Variants in LRRFIP1 observed in about 807,000 individuals in gnomAD.
LRRFIP1 encodes the protein LRR binding FLII interacting protein 1, also known as leucine-rich repeat flightless-interacting protein 1.
In LRRFIP1, 62 loss-of-function variants were observed where a neutral mutation model predicts 104.4. The ratio of observed to expected loss-of-function variants is 0.59; its 90% CI spans 0.48 to 0.73. LRRFIP1 has a LOEUF of 0.73. LRRFIP1 is among the 30% of genes least tolerant of loss of function. The probability of loss-of-function intolerance (pLI) is 0.00; values close to 1 mark genes in which losing one functional copy is unlikely to be tolerated. For synonymous variants in LRRFIP1, 300 were observed against 299.0 expected (o/e 1.00, Z -0.03); for missense variants, 796 against 824.5 (o/e 0.97, Z 0.42).
rs77743076 is a variant in LRRFIP1 at position 237,694,253 on chromosome 2, C to T, written c.97-14291C>T. Among the ~76,000 whole-genome samples, 468 of 152,296 alleles carry T rather than the reference C, an allele frequency of 3.1e-3. 10 individuals carry two copies. The East Asian group carries it at 0.046, about 15-fold the overall frequency. ...AATATATGGTGTATGCATCTTACTA[C>T]GTTTCTAATGTCCAAAAATGCTGAA... On this transcript the variant is annotated intron_variant, in intron 1 of 23. Coordinates refer to ENST00000308482, the MANE Select transcript of LRRFIP1 (RefSeq NM_001137550.2).
intron 1 of LRRFIP1, among the ~76,000 whole-genome samples, chr2:237,681,948 T>C (rs553216003): frequency 3.3e-5 from 5 of 152,166 alleles, no homozygotes; most frequent in African/African-American, 1.2e-4. Flanking sequence ...CAAAGTCCTA[T>C]TCTTAATTGT....
intron 19 of LRRFIP1, chr2:237,764,152 C>T (rs12477133): frequency 0.028 from 44,519 of 1,613,822 alleles, 1,082 homozygotes; most frequent in Admixed American, 0.084. Flanking sequence ...CTGAGGCAGG[C>T]GGCAGGCGCG....
At chr2:237,660,628 A>G (rs2087729203) in intron 1 of LRRFIP1, among the ~76,000 whole-genome samples, 1 of 152,170 alleles carries the variant, frequency 6.6e-6, no homozygotes, top group African/African-American at 2.4e-5. Flanking sequence ...ATTCCAAGTC[A>G]TTTGCTGCAG....
intron 1 of LRRFIP1, among the ~76,000 whole-genome samples, chr2:237,700,390 C>T: frequency 6.6e-6 from 1 of 152,128 alleles, no homozygotes; most frequent in South Asian, 2.1e-4. Context: ...GCATCATATT[C>T]CTGTCACATT....
chr2:237,724,435 T>C (rs544656309), intron 7 of LRRFIP1, among the ~76,000 whole-genome samples: 5 of 152,350 alleles, frequency 3.3e-5, no homozygotes, highest in African/African-American at 1.2e-4. Context: ...CTGCATAGCA[T>C]ATTTGGTGCC....
At chr2:237,673,381 C>T (rs1001669455) in intron 1 of LRRFIP1, among the ~76,000 whole-genome samples, 4 of 152,172 alleles carry the variant, frequency 2.6e-5, no homozygotes, top group Non-Finnish European at 4.4e-5. Flanking sequence ...ACCCCATTCT[C>T]AAGGTGAAGC....
At position 237,758,489 on chromosome 2, in the gene LRRFIP1, G is replaced by A. The variant is rs370566131; in HGVS notation, c.1225-240G>A. On this transcript the variant is annotated intron_variant, in intron 17 of 23. Coordinates refer to ENST00000308482, the MANE Select transcript of LRRFIP1 (RefSeq NM_001137550.2). ...ACCTCTGGGGCCCCGTGCTGTGTCC[G>A]TGTGCTTCAAGATGCGCATGTCTTT... is the stretch of plus-strand genomic sequence containing the variant. Among the ~76,000 whole-genome samples, 24 of 152,322 alleles carry A rather than the reference G, an allele frequency of 1.6e-4. No individual in the cohort carries two copies. The East Asian group carries it at 3.9e-3, about 24-fold the overall frequency.
In LRRFIP1 at chr2:237,669,324, G is replaced by C. The variant is rs555568491; in HGVS notation, c.97-39220G>C. Among the ~76,000 whole-genome samples, 111 of 152,314 alleles carry C rather than the reference G, an allele frequency of 7.3e-4. 1 individual carries two copies. Among genetic ancestry groups the C allele is most frequent in the African/African-American group, 2.7e-3 (111 of 41,560 alleles). On this transcript the variant is annotated intron_variant, in intron 1 of 23. Transcript: ENST00000308482. ...TGTATCAGTTTACACTTGCATTTGT[G>C]TTGTCTGAGAGTGTCTTGTTCATCA...
At chr2:237,749,556 C>T (rs2304434) in intron 13 of LRRFIP1, among the ~76,000 whole-genome samples, 13,869 of 152,144 alleles carry the variant, frequency 0.091, 718 homozygotes, top group East Asian at 0.19. Flanking sequence ...GACCGTGTGC[C>T]GGCCCCCTGC....
At chr2:237,756,850 G>C (rs2059322786) in intron 16 of LRRFIP1, among the ~76,000 whole-genome samples, 1 of 151,990 alleles carries the variant, frequency 6.6e-6, no homozygotes, top group Non-Finnish European at 1.5e-5. Flanking sequence ...TGTGATGAGA[G>C]ACCTTGAGAG....
rs539280590 is a variant in LRRFIP1 at position 237,780,769 on chromosome 2, A to C, written c.*1237A>C. On this transcript the variant is annotated 3_prime_UTR_variant, in exon 24 of 24. Transcript: ENST00000308482. ...TCCCAGCATAATGCTAGGGGTCACC[A>C]GTGTCCATCCCCCAGAACTGTATGG... Among the ~76,000 whole-genome samples, 2 of 152,332 alleles carry C rather than the reference A, an allele frequency of 1.3e-5. No individual in the cohort carries two copies. Among genetic ancestry groups the C allele is most frequent in the South Asian group, 2.1e-4 (1 of 4,826 alleles).
At chr2:237,761,742 TC>T (rs1180232003) in intron 19 of LRRFIP1, among the ~76,000 whole-genome samples, 4 of 152,214 alleles carry the variant, frequency 2.6e-5, no homozygotes, top group Non-Finnish European at 5.9e-5. Flanking sequence ...TCCCCCATTT[TC>T]CCTGGGATAT....
At chr2:237,718,791 C>T (rs1191455818) in intron 4 of LRRFIP1, among the ~76,000 whole-genome samples, 1 of 152,168 alleles carries the variant, frequency 6.6e-6, no homozygotes, top group East Asian at 1.9e-4. Flanking sequence ...TTCAGATATA[C>T]AGAGCACACA....
intron 1 of LRRFIP1, among the ~76,000 whole-genome samples, chr2:237,705,982 A>G (rs2093783955): frequency 6.6e-6 from 1 of 152,276 alleles, no homozygotes; most frequent in Admixed American, 6.5e-5. Flanking sequence ...GCAGGCCCAT[A>G]GGATAATCTG....
chr2:237,769,367 A>G (rs1298222089), intron 19 of LRRFIP1: 1 of 152,816 alleles, frequency 6.5e-6, no homozygotes, highest in African/African-American at 2.4e-5. Context: ...GTCCAGGAGG[A>G]ATTACAGACA....
intron 2 of LRRFIP1, among the ~76,000 whole-genome samples, chr2:237,712,772 G>A (rs2094160244): frequency 6.6e-6 from 1 of 152,130 alleles, no homozygotes. Flanking sequence ...GGAGGATTTG[G>A]GAAGGTGCAC....
At chr2:237,753,279 A>G (rs748236231) in intron 14 of LRRFIP1, 30 bp from the exon 15 acceptor site, 3 of 1,531,052 alleles carry the variant, frequency 2.0e-6, no homozygotes, top group Non-Finnish European at 1.7e-6. Context: ...TTTTTATTGC[A>G]ATTTCAAAAA....
chr2:237,780,390 G>T lies in LRRFIP1; in HGVS notation c.*858G>T, dbSNP rs1254359661. 6.6e-6 allele frequency: 1 copy of T among 151,834 alleles called. No individual in the cohort carries two copies. Among genetic ancestry groups the T allele is most frequent in the Non-Finnish European group, 1.5e-5 (1 of 67,966 alleles). 9.4% of individuals were successfully genotyped at this position (151,834 alleles called of 1,614,324 possible). On this transcript the variant is annotated 3_prime_UTR_variant, in exon 24 of 24. Coordinates refer to ENST00000308482, the MANE Select transcript of LRRFIP1 (RefSeq NM_001137550.2). Reference sequence around the variant, plus strand: ...ATATTAATGGTTCTGTATATTTTGGGTCATCTTTTTATTTTTTAAGAATAT... The same window carrying T: ...ATATTAATGGTTCTGTATATTTTGGTTCATCTTTTTATTTTTTAAGAATAT...
At chr2:237,706,485 G>T (rs2093815674) in intron 1 of LRRFIP1, among the ~76,000 whole-genome samples, 1 of 152,164 alleles carries the variant, frequency 6.6e-6, no homozygotes, top group Admixed American at 6.5e-5. Flanking sequence ...TGAGCCAATG[G>T]CACAGAGCCA....
Sources: gnomAD v4.1 joint callset for allele counts (sites outside exome capture counted in the v4.1 genomes callset) on GRCh38, gnomAD v4.1.1 for gene constraint, MANE v1.5 for transcripts, NCBI Gene and HGNC (gene_info 2026-07-23, HGNC 2026-07-21) for gene names.